The following DAPK2 variants were observed in gnomAD, a reference collection of about 807,000 sequenced individuals.
DAPK2 encodes the protein death-associated protein kinase 2.
A neutral mutation model predicts 44.1 loss-of-function variants in DAPK2; 35 were observed. The ratio of observed to expected loss-of-function variants is 0.79; its 90% confidence interval spans 0.61 to 1.05. The LOEUF (loss-of-function observed/expected upper bound fraction) is 1.05, where lower values mean the gene tolerates loss of function less well. Ranked by LOEUF, DAPK2 falls within the 50% of genes least tolerant of loss-of-function variation. The probability of loss-of-function intolerance (pLI) is 0.00; values close to 1 mark genes in which losing one functional copy is unlikely to be tolerated. For missense variants in DAPK2, 453 were observed against 483.2 expected (o/e 0.94, Z 0.59); for synonymous variants, 174 against 182.6 (o/e 0.95, Z 0.38).
chr15:63,939,317 G>A lies in DAPK2; in HGVS notation c.498C>T (p.His166=), dbSNP rs563315259. Residue 166 remains histidine (H), a synonymous_variant, in exon 4 of 11, where the codon CAC becomes CAT. Transcript: ENST00000261891. This position sits in a 1 kb window ranked among gnomAD's most constrained non-coding sequence, Gnocchi z 4.3. ...CCAGACCAAAGTCAATCAGCTTGAT[G>A]TGTGGAATGGGAATATTCTTGTCTA... 1 of 1,613,452 alleles carries A rather than the reference G, an allele frequency of 6.2e-7. No individual in the cohort carries two copies. Among genetic ancestry groups the A allele is most frequent in the African/African-American group, 1.3e-5 (1 of 74,818 alleles).
intron 3 of DAPK2, among the ~76,000 whole-genome samples, chr15:63,954,632 G>T (rs899721919): frequency 2.0e-5 from 3 of 152,068 alleles, no homozygotes; most frequent in Non-Finnish European, 2.9e-5. Flanking sequence ...TGGCTATTCT[G>T]TGTCTTTTGT....
Position 63,939,681 on chromosome 15 carries a change from C to T in DAPK2, c.454-320G>A, listed in dbSNP as rs2077256746. Reference sequence around the variant, plus strand: ...CCTTTAATGCAGTGCCTCTGTTTTCCTATCTGTCAAATGGGGCCAATGAGA... The same window carrying T: ...CCTTTAATGCAGTGCCTCTGTTTTCTTATCTGTCAAATGGGGCCAATGAGA... On this transcript the variant is annotated intron_variant, in intron 3 of 10. Transcript: ENST00000261891. The surrounding 1 kb of genome is among the most constrained non-coding windows in gnomAD (Gnocchi z 4.3). 6.6e-6 allele frequency among the ~76,000 whole-genome samples: 1 copy of T among 152,158 alleles called. No homozygotes were observed. The highest frequency in any genetic ancestry group is 2.4e-5 in the African/African-American group (1 of 41,434).
chr15:64,040,838 C>T (rs1012363371), upstream of DAPK2, among the ~76,000 whole-genome samples: 6 of 143,564 alleles, frequency 4.2e-5, no homozygotes, highest in Non-Finnish European at 7.5e-5. Flanking sequence ...CACTTGAACC[C>T]GGGAGGCAGA....
At chr15:63,947,677 G>C (rs1400849620) in intron 3 of DAPK2, among the ~76,000 whole-genome samples, 1 of 152,086 alleles carries the variant, frequency 6.6e-6, no homozygotes, top group Non-Finnish European at 1.5e-5. Flanking sequence ...ATCAAACAAG[G>C]CATATAAAGT....
At chr15:64,012,901 G>A (rs2079425098) in intron 1 of DAPK2, among the ~76,000 whole-genome samples, 2 of 152,082 alleles carry the variant, frequency 1.3e-5, no homozygotes, top group South Asian at 4.2e-4. Flanking sequence ...TTCTATCTGG[G>A]GCACTGCATA....
rs35338084 is a variant in DAPK2, at chr15:64,006,036, CA to C, written c.93-22283del. On this transcript the variant is annotated intron_variant, in intron 1 of 10. Coordinates refer to ENST00000261891, the Ensembl canonical transcript of DAPK2. Reference sequence around the variant, plus strand: ...TGGGTGACAGAGCCAGATCCTGACTCAAAAAAAAAAAAAAAAAACCCCACAA... The same window carrying C: ...TGGGTGACAGAGCCAGATCCTGACTCAAAAAAAAAAAAAAAAACCCCACAA... Among the ~76,000 whole-genome samples the C allele has an allele frequency of 8.9e-3, 829 of 92,866 alleles. 7 individuals carry two copies. Among genetic ancestry groups the C allele is most frequent in the East Asian group, 0.012 (38 of 3,152 alleles). 60.9% of individuals were successfully genotyped at this position (92,866 alleles called of 152,430 possible). A position where few individuals can be genotyped will look rare whatever the true frequency, so the allele number is the denominator to read the frequency against.
intron 1 of DAPK2, among the ~76,000 whole-genome samples, chr15:63,999,802 G>A (rs1000186708): frequency 1.3e-5 from 2 of 151,546 alleles, no homozygotes; most frequent in South Asian, 4.2e-4. Flanking sequence ...GTCTTACTCT[G>A]TTGCCCCAGC....
chr15:64,026,615 CT>C (rs1228090527), intron 1 of DAPK2, among the ~76,000 whole-genome samples: 1 of 152,196 alleles, frequency 6.6e-6, no homozygotes, highest in African/African-American at 2.4e-5. Flanking sequence ...CCCTTTTGCC[CT>C]CTCAAAAGCA....
At chr15:63,982,417 C>T (rs894793355) in intron 2 of DAPK2, among the ~76,000 whole-genome samples, 8 of 151,922 alleles carry the variant, frequency 5.3e-5, no homozygotes, top group East Asian at 1.9e-4. Context: ...TCTCAAACTC[C>T]GACCTTGTGA....
intron 1 of DAPK2, among the ~76,000 whole-genome samples, chr15:64,003,010 G>A (rs138699947): frequency 3.6e-5 from 5 of 140,484 alleles, no homozygotes; most frequent in African/African-American, 1.0e-4. Flanking sequence ...GTGTGTGTGT[G>A]TGTGTCGTGG....
chr15:63,925,991 C>T (rs763441549), exon 7 of DAPK2: 18 of 1,614,186 alleles, frequency 1.1e-5, no homozygotes, highest in South Asian at 5.5e-5. Context: ...CCAGCTCGCT[C>T]GTCTGGCTGA....
chr15:64,004,665 C>T (rs953030380), intron 1 of DAPK2, among the ~76,000 whole-genome samples: 1 of 152,164 alleles, frequency 6.6e-6, no homozygotes, highest in Admixed American at 6.5e-5. Context: ...GGTCTTTCCC[C>T]TCAGCTTGCA....
Position 64,020,014 on chromosome 15 carries a change from G to A in DAPK2, c.92+20156C>T, listed in dbSNP as rs1434683931. ...CACAGACTTGGTGCCAAACCACTGT[G>A]TCTAATCTCAGCAGAAGCAGTCTCA... On this transcript the variant is annotated intron_variant, in intron 1 of 10. Transcript: ENST00000261891. This position sits in a 1 kb window ranked among gnomAD's most constrained non-coding sequence, Gnocchi z 4.5. Among the ~76,000 whole-genome samples, 2 of 152,282 alleles carry A rather than the reference G, an allele frequency of 1.3e-5. No individual in the cohort carries two copies. Among genetic ancestry groups the A allele is most frequent in the East Asian group, 3.9e-4 (2 of 5,188 alleles).
At chr15:63,924,556 A>C in intron 8 of DAPK2, 1 of 436,748 alleles carries the variant, frequency 2.3e-6, no homozygotes. Flanking sequence ...CCAAAGAAAA[A>C]GGGTTTCAAC....
rs2079258791 is a variant in DAPK2 at position 63,926,194 on chromosome 15, GGAAGGCTCCCAGCAACACAGCCTGCC to G, written c.660-127_660-102del. On this transcript the variant is annotated intron_variant, in intron 6 of 10. Coordinates refer to ENST00000261891, the Ensembl canonical transcript of DAPK2. Reference sequence around the variant, plus strand: ...TGCCCCATGACTGCTGCAGGGAGCTGGAAGGCTCCCAGCAACACAGCCTGCCCCCTCTGGGCAGCCAACCAGCAGCC... The same window carrying G: ...TGCCCCATGACTGCTGCAGGGAGCTGCCCTCTGGGCAGCCAACCAGCAGCC... 1.5e-5 allele frequency: 20 copies of G among 1,361,910 alleles called. No individual in the cohort carries two copies. In the East Asian group the frequency reaches 4.7e-4, roughly 32 times the overall value. The allele number at this position is 1,361,910 out of a possible 1,614,324, so 84.4% of individuals were successfully genotyped here. A position where few individuals can be genotyped will look rare whatever the true frequency, so the allele number is the denominator to read the frequency against.
chr15:63,962,411 G>A (rs1280589803), intron 3 of DAPK2, among the ~76,000 whole-genome samples: 3 of 152,188 alleles, frequency 2.0e-5, no homozygotes, highest in Non-Finnish European at 2.9e-5. Context: ...CGTTCCTTTG[G>A]AGGAGAAGAG....
chr15:63,982,383 G>A (rs868466371), intron 2 of DAPK2, among the ~76,000 whole-genome samples: 2 of 151,932 alleles, frequency 1.3e-5, no homozygotes, highest in Non-Finnish European at 2.9e-5. Context: ...TAGAGATGGG[G>A]TTTCACCATG....
intron 1 of DAPK2, among the ~76,000 whole-genome samples, chr15:64,031,115 C>T (rs1420835268): frequency 1.3e-5 from 2 of 151,974 alleles, no homozygotes; most frequent in Admixed American, 6.6e-5. Context: ...ACCATGAATA[C>T]TTTATTTAAC....
intron 1 of DAPK2, among the ~76,000 whole-genome samples, chr15:64,027,888 C>T (rs1266358741): frequency 6.6e-6 from 1 of 152,130 alleles, no homozygotes; most frequent in Non-Finnish European, 1.5e-5. Context: ...ATACACCCAA[C>T]CAAAATAATG....
Sources: allele counts gnomAD v4.1 joint callset (sites outside exome capture counted in the v4.1 genomes callset), GRCh38; gene constraint gnomAD v4.1.1; non-coding constraint Gnocchi (gnomAD v3.1); transcripts MANE v1.5; gene names NCBI Gene and HGNC (gene_info 2026-07-23, HGNC 2026-07-21).